The following OPCML variants were observed in gnomAD, a reference collection of about 807,000 sequenced individuals.
OPCML encodes opioid binding protein/cell adhesion molecule like.
Under a neutral mutation model 37.8 loss-of-function variants are expected in OPCML, and 13 were observed. The ratio of observed to expected loss-of-function variants is 0.34; its 90% CI spans 0.22 to 0.55. The LOEUF is 0.55. OPCML is among the 20% of genes least tolerant of loss of function. The probability of loss-of-function intolerance (pLI) is 0.91; values close to 1 mark genes in which losing one functional copy is unlikely to be tolerated. For synonymous variants in OPCML, 176 were observed against 168.8 expected, an observed-to-expected ratio of 1.04 and a Z score of -0.33; for missense variants, 341 against 435.6, an observed-to-expected ratio of 0.78 and a Z score of 1.93.
chr11:132,974,900 C>T (rs1355345584), intron 1 of OPCML, among the ~76,000 whole-genome samples: 6 of 151,584 alleles, frequency 4.0e-5, no homozygotes, highest in Admixed American at 3.9e-4. Context: ...TTCTTCAAGG[C>T]TCTGTTTAAG....
intron 2 of OPCML, among the ~76,000 whole-genome samples, chr11:132,741,867 A>G (rs941781618): frequency 6.6e-5 from 10 of 151,888 alleles, no homozygotes; most frequent in African/African-American, 2.4e-4. Context: ...TCTCTACTAA[A>G]AAAAACACAA....
chr11:133,529,837 A>C (rs1948567382), intron 1 of OPCML, among the ~76,000 whole-genome samples: 1 of 152,158 alleles, frequency 6.6e-6, no homozygotes, highest in Non-Finnish European at 1.5e-5. Context: ...GAGAAAGGAG[A>C]AGTCGCAAGT....
At chr11:132,793,826 C>T (rs567326618) in intron 2 of OPCML, among the ~76,000 whole-genome samples, 1 of 152,288 alleles carries the variant, frequency 6.6e-6, no homozygotes, top group Admixed American at 6.5e-5. Flanking sequence ...TAACGATTTC[C>T]TACCTAAGTG....
At chr11:133,291,770 C>A (rs1297724681) in intron 1 of OPCML, among the ~76,000 whole-genome samples, 1 of 152,210 alleles carries the variant, frequency 6.6e-6, no homozygotes, top group Non-Finnish European at 1.5e-5. Flanking sequence ...ATGAGACACC[C>A]AATCTCAGCA....
At chr11:132,478,686 T>C (rs1203491330) in intron 4 of OPCML, among the ~76,000 whole-genome samples, 1 of 152,228 alleles carries the variant, frequency 6.6e-6, no homozygotes, top group Non-Finnish European at 1.5e-5. Flanking sequence ...GTTGTCTTTA[T>C]CATCAAGATA....
intron 1 of OPCML, among the ~76,000 whole-genome samples, chr11:132,988,092 G>A (rs1050614171): frequency 3.2e-4 from 48 of 152,126 alleles, no homozygotes; most frequent in African/African-American, 1.1e-3. Context: ...GCGCATCCAC[G>A]CCTTTGAAAT....
At chr11:132,723,495 T>C (rs1181708149) in intron 2 of OPCML, among the ~76,000 whole-genome samples, 1 of 152,192 alleles carries the variant, frequency 6.6e-6, no homozygotes, top group Non-Finnish European at 1.5e-5. Flanking sequence ...GAAGAGCCAG[T>C]TATGAAAAAT....
chr11:132,745,563 C>CAAAAAAA (rs10562857), intron 2 of OPCML, among the ~76,000 whole-genome samples: 8 of 102,988 alleles, frequency 7.8e-5, no homozygotes, highest in African/African-American at 1.4e-4. Context: ...TGCTGTCTTG[C>CAAAAAAA]AAAAAAAAAA....
At chr11:132,848,836 CTT>C (rs898388728) in intron 2 of OPCML, among the ~76,000 whole-genome samples, 8 of 152,186 alleles carry the variant, frequency 5.3e-5, no homozygotes, top group African/African-American at 9.7e-5. Context: ...AACAATGACA[CTT>C]TTTCCTTTTT....
intron 4 of OPCML, among the ~76,000 whole-genome samples, chr11:132,460,935 A>G (rs2096099409): frequency 6.6e-6 from 1 of 152,218 alleles, no homozygotes; most frequent in African/African-American, 2.4e-5. Context: ...CTCATTTCAT[A>G]TGATGGATAA....
At chr11:133,267,484 C>A (rs1211593832) in intron 1 of OPCML, among the ~76,000 whole-genome samples, 2 of 152,256 alleles carry the variant, frequency 1.3e-5, no homozygotes, top group South Asian at 2.1e-4. Flanking sequence ...ATATAAAGTT[C>A]TTAATTTGGT....
At chr11:133,008,114 C>G (rs555596114) in intron 1 of OPCML, 1 of 985,320 alleles carries the variant, frequency 1.0e-6, no homozygotes. Flanking sequence ...TACTATGGAT[C>G]TTCAGTTCTC....
At chr11:133,006,571 G>T (rs1161104868) in intron 1 of OPCML, 2 of 985,298 alleles carry the variant, frequency 2.0e-6, no homozygotes, top group African/African-American at 3.5e-5. Context: ...TTGCTATAGG[G>T]TGCTGTTGAA....
At chr11:133,312,433 T>C (rs548823603) in intron 1 of OPCML, among the ~76,000 whole-genome samples, 21 of 152,202 alleles carry the variant, frequency 1.4e-4, no homozygotes, top group Middle Eastern at 3.2e-3. Flanking sequence ...TCAGCATCTG[T>C]ACCTGAGCAG....
At chr11:132,582,812 T>A (rs1053166790) in intron 3 of OPCML, among the ~76,000 whole-genome samples, 1 of 150,998 alleles carries the variant, frequency 6.6e-6, no homozygotes, top group Non-Finnish European at 1.5e-5. Context: ...AGGAAAATAA[T>A]AGGAGTGTCT....
chr11:133,113,802 C>T (rs1274543239), intron 1 of OPCML, among the ~76,000 whole-genome samples: 1 of 152,214 alleles, frequency 6.6e-6, no homozygotes, highest in Non-Finnish European at 1.5e-5. Context: ...TAAGGCTGCT[C>T]ACTTTATTAG....
intron 2 of OPCML, among the ~76,000 whole-genome samples, chr11:132,688,372 T>A (rs936380929): frequency 6.6e-6 from 1 of 152,180 alleles, no homozygotes; most frequent in African/African-American, 2.4e-5. Flanking sequence ...CTGGTACCCG[T>A]AATCTAGTCC....
intron 2 of OPCML, among the ~76,000 whole-genome samples, chr11:132,775,510 G>C (rs1946779479): frequency 6.6e-6 from 1 of 152,132 alleles, no homozygotes; most frequent in Non-Finnish European, 1.5e-5. Flanking sequence ...GTGACAAACT[G>C]CATGCATGTG....
chr11:132,424,221 G>A (rs923262233), intron 7 of OPCML, among the ~76,000 whole-genome samples: 4 of 151,638 alleles, frequency 2.6e-5, no homozygotes, highest in Non-Finnish European at 5.9e-5. Flanking sequence ...CTGGGTTCAC[G>A]CCGTTCTCCT....
Sources: allele counts gnomAD v4.1 joint callset (sites outside exome capture counted in the v4.1 genomes callset), GRCh38; gene constraint gnomAD v4.1.1; transcripts MANE v1.5; gene names NCBI Gene and HGNC (gene_info 2026-07-23, HGNC 2026-07-21).